CSMD1: variants seen among roughly 807,000 people sequenced by gnomAD.
CSMD1 encodes the protein CUB and Sushi multiple domains 1.
Under a neutral mutation model 417.5 loss-of-function variants are expected in CSMD1, and 213 were observed. That is an observed-to-expected ratio of 0.51 (90% CI 0.46 to 0.57). CSMD1 has a LOEUF of 0.57. Among genes scored for constraint, CSMD1 ranks in the 20% least tolerant of loss-of-function variants. CSMD1 has a pLI of 0.00. For missense variants in CSMD1, 6,923 were observed against 4,529.7 expected (o/e 1.53, Z -15.17); for synonymous variants, 2,862 against 1,736.8 (o/e 1.65, Z -16.11).
At chr8:3,728,538 C>T (rs149077959) in intron 6 of CSMD1, among the ~76,000 whole-genome samples, 30 of 152,176 alleles carry the variant, frequency 2.0e-4, no homozygotes, top group African/African-American at 5.5e-4. Flanking sequence ...TAAATATAAA[C>T]GTAGGTTTGC....
chr8:3,269,909 A>C (rs1220634831), intron 26 of CSMD1, among the ~76,000 whole-genome samples: 1 of 152,104 alleles, frequency 6.6e-6, no homozygotes. Flanking sequence ...TCTAGTGGAG[A>C]AAATTTAGTC....
intron 1 of CSMD1, among the ~76,000 whole-genome samples, chr8:4,729,206 T>C (rs368069966): frequency 6.1e-4 from 93 of 152,162 alleles, no homozygotes; most frequent in African/African-American, 2.0e-3. Flanking sequence ...AAAAATGCTG[T>C]TTAAATAAAG....
intron 2 of CSMD1, among the ~76,000 whole-genome samples, chr8:4,493,912 C>G (rs139341482): frequency 4.6e-5 from 7 of 152,128 alleles, no homozygotes; most frequent in African/African-American, 1.7e-4. Flanking sequence ...ATGATAGACA[C>G]TAACAACTGA....
chr8:4,095,939 A>G (rs1230868898), intron 3 of CSMD1, among the ~76,000 whole-genome samples: 2 of 152,220 alleles, frequency 1.3e-5, no homozygotes, highest in African/African-American at 4.8e-5. Flanking sequence ...TATCATTCCT[A>G]AAAAGATTCA....
intron 1 of CSMD1, among the ~76,000 whole-genome samples, chr8:4,876,213 G>A (rs557140781): frequency 6.6e-6 from 1 of 152,078 alleles, no homozygotes; most frequent in Non-Finnish European, 1.5e-5. Flanking sequence ...GGCCACTTTT[G>A]GAGCTCAGTC....
chr8:2,997,881 C>G, intron 54 of CSMD1, 130 bp downstream of exon 54: 1 of 845,670 alleles, frequency 1.2e-6, no homozygotes, highest in Non-Finnish European at 1.7e-6. Context: ...GCTTTCACAC[C>G]TGAATGGTGA....
chr8:3,356,873 A>C (rs569573884), intron 21 of CSMD1, among the ~76,000 whole-genome samples: 50 of 152,104 alleles, frequency 3.3e-4, no homozygotes, highest in African/African-American at 1.2e-3. Flanking sequence ...GTGGAGGGAG[A>C]GTGATTGCTC....
intron 42 of CSMD1, among the ~76,000 whole-genome samples, chr8:3,114,927 A>C (rs1319009052): frequency 2.0e-5 from 3 of 152,154 alleles, no homozygotes; most frequent in Non-Finnish European, 4.4e-5. Context: ...TATTTACACT[A>C]ATAATTATCT....
At chr8:4,874,386 G>A (rs1215921885) in intron 1 of CSMD1, among the ~76,000 whole-genome samples, 3 of 74,452 alleles carry the variant, frequency 4.0e-5, no homozygotes, top group Admixed American at 2.2e-4. Flanking sequence ...CAATCCGATT[G>A]TATTTTTTTT....
At chr8:4,155,260 G>A (rs935366184) in intron 3 of CSMD1, among the ~76,000 whole-genome samples, 1 of 152,180 alleles carries the variant, frequency 6.6e-6, no homozygotes, top group African/African-American at 2.4e-5. Flanking sequence ...GCAGAGAGGT[G>A]AATAAGTCCG....
At chr8:4,483,214 G>C (rs1181453032) in intron 2 of CSMD1, among the ~76,000 whole-genome samples, 2 of 152,162 alleles carry the variant, frequency 1.3e-5, no homozygotes, top group African/African-American at 4.8e-5. Context: ...ACCACCAAGT[G>C]AGAAGTGCCT....
intron 3 of CSMD1, among the ~76,000 whole-genome samples, chr8:4,062,131 T>C (rs1007416339): frequency 4.6e-5 from 7 of 151,944 alleles, no homozygotes; most frequent in Non-Finnish European, 1.0e-4. Flanking sequence ...AGAGGGTCAG[T>C]GGAGGCTCAT....
intron 1 of CSMD1, among the ~76,000 whole-genome samples, chr8:4,858,300 C>G (rs957270647): frequency 4.0e-5 from 6 of 151,604 alleles, no homozygotes; most frequent in African/African-American, 1.2e-4. Flanking sequence ...AAACCCACAG[C>G]CAATATCATA....
intron 3 of CSMD1, among the ~76,000 whole-genome samples, chr8:4,041,736 C>T (rs1420985223): frequency 6.6e-6 from 1 of 152,092 alleles, no homozygotes; most frequent in Non-Finnish European, 1.5e-5. Context: ...ACTGTATGCC[C>T]TGTTCTCAGT....
At chr8:4,297,193 A>AT (rs1220354086) in intron 3 of CSMD1, among the ~76,000 whole-genome samples, 3 of 152,218 alleles carry the variant, frequency 2.0e-5, no homozygotes, top group East Asian at 1.9e-4. Flanking sequence ...CTAGAAATGT[A>AT]TTTTTTTAAA....
At chr8:3,381,670 C>T (rs894499201) in intron 18 of CSMD1, among the ~76,000 whole-genome samples, 17 of 152,244 alleles carry the variant, frequency 1.1e-4, no homozygotes, top group East Asian at 1.9e-4. Flanking sequence ...ATTATACAGA[C>T]ACATGTAGTT....
At chr8:3,371,246 T>C (rs1342090908) in intron 18 of CSMD1, among the ~76,000 whole-genome samples, 1 of 152,194 alleles carries the variant, frequency 6.6e-6, no homozygotes, top group East Asian at 1.9e-4. Context: ...GTTCTGTTTC[T>C]CTGGAGCACA....
Position 3,110,538 on chromosome 8 carries a change from C to T in CSMD1, c.6431-203G>A, listed in dbSNP as rs370224966. ...GAATTATACGTCTAAGCTAAATTAT[C>T]TCAGTTTTATTTAATATATTCTCCA... On this transcript the variant is annotated intron_variant, in intron 42 of 69. Coordinates refer to ENST00000635120, the MANE Select transcript of CSMD1 (RefSeq NM_033225.6). Among the ~76,000 whole-genome samples, 10 of 152,300 alleles carry T rather than the reference C, an allele frequency of 6.6e-5. No individual in the cohort carries two copies. In the South Asian group the frequency reaches 2.1e-3, roughly 32 times the overall value.
At chr8:4,377,395 A>G (rs999553945) in intron 3 of CSMD1, among the ~76,000 whole-genome samples, 2 of 152,172 alleles carry the variant, frequency 1.3e-5, no homozygotes, top group African/African-American at 4.8e-5. Context: ...CGTTATATCT[A>G]AACTACTTAA....
Sources: allele counts gnomAD v4.1 joint callset (sites outside exome capture counted in the v4.1 genomes callset), GRCh38; gene constraint gnomAD v4.1.1; transcripts MANE v1.5; gene names NCBI Gene and HGNC (gene_info 2026-07-23, HGNC 2026-07-21).